GPM6A: variants seen among roughly 807,000 people sequenced by gnomAD.
GPM6A encodes glycoprotein M6A, also known as neuronal membrane glycoprotein M6-a.
GPM6A carries 7 observed loss-of-function variants against 32.1 expected under a neutral mutation model. That is an observed-to-expected ratio of 0.22 (90% confidence interval 0.12 to 0.41). The LOEUF is 0.41. Among genes scored for constraint, GPM6A ranks in the 10% least tolerant of loss-of-function variants. GPM6A has a pLI of 1.00. For missense variants in GPM6A, 235 were observed against 347.2 expected, an observed-to-expected ratio of 0.68 and a Z score of 2.57; for synonymous variants, 130 against 123.4, an observed-to-expected ratio of 1.05 and a Z score of -0.35.
chr4:175,885,458 C>T (rs571176421), intron 1 of GPM6A, among the ~76,000 whole-genome samples: 1 of 152,194 alleles, frequency 6.6e-6, no homozygotes, highest in South Asian at 2.1e-4. Flanking sequence ...AGTGAGACCC[C>T]ATTTCTACAA....
intron 1 of GPM6A, among the ~76,000 whole-genome samples, chr4:175,770,496 G>C (rs974126715): frequency 6.6e-6 from 1 of 152,180 alleles, no homozygotes; most frequent in Non-Finnish European, 1.5e-5. Flanking sequence ...GCCTCAGAAT[G>C]AATTTCAGGC....
At position 175,973,255 on chromosome 4, in the gene GPM6A, T is replaced by C. The variant is rs138335349; in HGVS notation, c.-23+29054A>G. Among the ~76,000 whole-genome samples, 25 of 152,334 alleles carry C rather than the reference T, an allele frequency of 1.6e-4. No homozygotes were observed. In the East Asian group the frequency reaches 3.3e-3, roughly 20 times the overall value. ...AAAAGCAGTCCACGTCAACAGAGTT[T>C]ACACAATGAGGAAAAGTTTATTCTT... is the stretch of plus-strand genomic sequence containing the variant. On this transcript the variant is annotated intron_variant, in intron 1 of 7. Coordinates refer to the GPM6A transcript ENST00000280187.
At chr4:175,648,095 AAT>A (rs1353829672) in intron 4 of GPM6A, among the ~76,000 whole-genome samples, 3 of 152,088 alleles carry the variant, frequency 2.0e-5, no homozygotes, top group Admixed American at 1.3e-4. Flanking sequence ...AGAAAGAAAT[AAT>A]ATAGCACATT....
intron 1 of GPM6A, chr4:176,002,174 G>A: frequency 1.0e-6 from 1 of 981,744 alleles, no homozygotes; most frequent in Non-Finnish European, 1.6e-6. Context: ...CGGGGGGCGG[G>A]GGACGCCAGG....
At chr4:175,768,243 G>A (rs1215331798) in intron 1 of GPM6A, among the ~76,000 whole-genome samples, 1 of 152,144 alleles carries the variant, frequency 6.6e-6, no homozygotes, top group Non-Finnish European at 1.5e-5. Context: ...TATATGAAAT[G>A]TTCCAAGGGA....
chr4:175,938,736 C>CA (rs1739317365), intron 1 of GPM6A, among the ~76,000 whole-genome samples: 4 of 64,582 alleles, frequency 6.2e-5, no homozygotes, highest in Admixed American at 1.8e-4. Flanking sequence ...TAAAGTAAAA[C>CA]CAAAAAAAAA....
chr4:175,851,432 C>T (rs1736253391), intron 1 of GPM6A, among the ~76,000 whole-genome samples: 1 of 151,396 alleles, frequency 6.6e-6, no homozygotes, highest in Admixed American at 6.6e-5. Flanking sequence ...TTGCAGTGGG[C>T]CGAGATTGTG....
chr4:175,701,319 C>T (rs925244525), intron 2 of GPM6A, among the ~76,000 whole-genome samples: 3 of 152,138 alleles, frequency 2.0e-5, no homozygotes, highest in African/African-American at 7.2e-5. Context: ...TTAATGGTAA[C>T]CAAATTTCGA....
intron 1 of GPM6A, among the ~76,000 whole-genome samples, chr4:175,966,577 T>C (rs75743257): frequency 0.051 from 7,681 of 151,354 alleles, 624 homozygotes; most frequent in African/African-American, 0.17. Flanking sequence ...TAACAAGAGG[T>C]CAGAGAGCTA....
At chr4:175,787,986 T>C (rs1477758579) in intron 1 of GPM6A, 1 of 152,210 alleles carries the variant, frequency 6.6e-6, no homozygotes, top group African/African-American at 2.4e-5. Context: ...AAAATTACAC[T>C]TTTCCATTGT....
intron 1 of GPM6A, among the ~76,000 whole-genome samples, chr4:175,736,297 G>A (rs1428209947): frequency 1.3e-5 from 2 of 152,042 alleles, no homozygotes; most frequent in East Asian, 1.9e-4. Context: ...ATTATAGCGC[G>A]ACCCACAGCA....
intron 1 of GPM6A, among the ~76,000 whole-genome samples, chr4:175,774,911 TTTTTAAAGAA>T: frequency 6.6e-6 from 1 of 152,216 alleles, no homozygotes; most frequent in African/African-American, 2.4e-5. Flanking sequence ...CCATTCATTG[TTTTTAAAGAA>T]TTTCCATAAA....
chr4:175,692,591 C>A (rs1744358457), intron 2 of GPM6A, among the ~76,000 whole-genome samples: 1 of 151,932 alleles, frequency 6.6e-6, no homozygotes, highest in Admixed American at 6.6e-5. Flanking sequence ...GAGCTCTTTT[C>A]ATGTAAGCTG....
intron 1 of GPM6A, among the ~76,000 whole-genome samples, chr4:175,835,649 A>G (rs887401227): frequency 7.0e-6 from 1 of 143,340 alleles, no homozygotes; most frequent in Non-Finnish European, 1.5e-5. Flanking sequence ...ATATATATAT[A>G]TGCTTGTATG....
chr4:175,921,888 A>G (rs1473554965), intron 1 of GPM6A, among the ~76,000 whole-genome samples: 2 of 152,162 alleles, frequency 1.3e-5, no homozygotes, highest in African/African-American at 2.4e-5. Context: ...GGAAGTCTAT[A>G]TAGGATGGCT....
intron 1 of GPM6A, among the ~76,000 whole-genome samples, chr4:175,902,884 C>A (rs1308677831): frequency 6.6e-6 from 1 of 152,034 alleles, no homozygotes; most frequent in Non-Finnish European, 1.5e-5. Context: ...AGATGAACGA[C>A]ACAGCTTCCG....
At chr4:175,778,627 C>CAA (rs34286041) in intron 1 of GPM6A, among the ~76,000 whole-genome samples, 2,883 of 74,914 alleles carry the variant, frequency 0.038, no homozygotes, top group East Asian at 0.057. Flanking sequence ...CTGTATCCAA[C>CAA]AAAAAAAAAA....
intron 1 of GPM6A, among the ~76,000 whole-genome samples, chr4:175,904,883 T>G (rs188237093): frequency 1.8e-4 from 28 of 152,260 alleles, no homozygotes; most frequent in Non-Finnish European, 3.2e-4. Context: ...AATTTGCCAT[T>G]TCTTAGTTCA....
chr4:175,977,376 T>C (rs1740693910), intron 1 of GPM6A, among the ~76,000 whole-genome samples: 1 of 152,170 alleles, frequency 6.6e-6, no homozygotes, highest in African/African-American at 2.4e-5. Context: ...CTACAAAAAA[T>C]GAACAACTTT....
Sources: allele counts gnomAD v4.1 joint callset (sites outside exome capture counted in the v4.1 genomes callset), GRCh38; gene constraint gnomAD v4.1.1; transcripts MANE v1.5; gene names NCBI Gene and HGNC (gene_info 2026-07-23, HGNC 2026-07-21).